The following TIA1 variants were observed in gnomAD, a reference collection of about 807,000 sequenced individuals.
TIA1 encodes cytotoxic granule associated RNA binding protein TIA1.
TIA1 carries 23 observed loss-of-function variants against 65.9 expected under a neutral mutation model. That is an observed-to-expected ratio of 0.35 (90% confidence interval 0.25 to 0.49). The LOEUF (loss-of-function observed/expected upper bound fraction) is 0.49. Among genes scored for constraint, TIA1 ranks in the 20% least tolerant of loss-of-function variants. The probability of loss-of-function intolerance (pLI) is 0.98; values close to 1 mark genes in which losing one functional copy is unlikely to be tolerated. For synonymous variants in TIA1, 147 were observed against 149.4 expected (o/e 0.98, Z 0.12); for missense variants, 371 against 477.9 (o/e 0.78, Z 2.09).
At chr2:70,246,900 T>C (rs1272064518) in intron 1 of TIA1, among the ~76,000 whole-genome samples, 4 of 152,070 alleles carry the variant, frequency 2.6e-5, no homozygotes, top group Non-Finnish European at 4.4e-5. Context: ...TCTCAAAAAA[T>C]TAAAAAGTAA....
In TIA1 at chr2:70,215,477, C is replaced by G; in HGVS notation, c.782G>C (p.Ser261Thr). 1 of 1,613,344 alleles carries G rather than the reference C, an allele frequency of 6.2e-7. No individual in the cohort carries two copies. The highest frequency in any genetic ancestry group is 8.5e-7 in the Non-Finnish European group (1 of 1,179,518). ...YSFVRFNSHE[S>T]AAHAIVSVNG... Reference sequence around the variant, plus strand: ...AACAGAAACAATTGCATGTGCTGCACTTTCATGGGAATTGAACCTATTGAA... The same window carrying G: ...AACAGAAACAATTGCATGTGCTGCAGTTTCATGGGAATTGAACCTATTGAA... The change falls in exon 11 of 13, where the codon AGT (serine) becomes ACT (threonine). Residue 261 changes from serine to threonine, a missense_variant. By Grantham distance (58) the Ser-to-Thr change is moderately conservative (BLOSUM62 1). Transcript: ENST00000433529.
intron 7 of TIA1, among the ~76,000 whole-genome samples, chr2:70,219,116 C>T (rs556584083): frequency 2.0e-5 from 3 of 152,204 alleles, no homozygotes; most frequent in East Asian, 3.9e-4. Context: ...AAATGTGGAA[C>T]GCAGAGAAGT....
chr2:70,240,301 T>C lies in TIA1; in HGVS notation c.27-4126A>G, dbSNP rs1475170751. ...AAGTCTAACCTAAATCTAACCAAGC[T>C]GAAAATTAGATTTAAGTTTATAGGA... On this transcript the variant is annotated intron_variant, in intron 1 of 12. Coordinates refer to ENST00000433529, the MANE Select transcript of TIA1 (RefSeq NM_022173.4). Among the ~76,000 whole-genome samples the C allele has an allele frequency of 2.0e-5, 3 of 152,200 alleles. No individual in the cohort carries two copies. The East Asian group carries it at 5.8e-4, about 29-fold the overall frequency.
Position 70,215,394 on chromosome 2 carries a change from C to T in TIA1, c.865G>A (p.Asp289Asn). 6.2e-7 allele frequency: 1 copy of T among 1,614,040 alleles called. No individual in the cohort carries two copies. Among genetic ancestry groups the T allele is most frequent in the East Asian group, 2.2e-5 (1 of 44,854 alleles). The change falls in exon 11 of 13, where the codon GAT becomes AAT. Residue 289 changes from aspartate (D) to asparagine (N), a missense_variant. Transcript: ENST00000433529. ...ACCTGTTGCACGGGATTTATCATAT[C>T]AAGAGTTTCTTTGCCCCAATAGCAT... is the stretch of plus-strand genomic sequence containing the variant. ...VKCYWGKETL[D>N]MINPVQQQNQ...
chr2:70,214,252 A>T (rs990197784), intron 12 of TIA1, 97 bp downstream of exon 12: 6 of 1,317,614 alleles, frequency 4.6e-6, no homozygotes, highest in Non-Finnish European at 6.2e-6. Flanking sequence ...TTTACATAAG[A>T]GGCCCTATTA....
intron 6 of TIA1, among the ~76,000 whole-genome samples, chr2:70,226,908 AT>A (rs1193568460): frequency 6.6e-6 from 1 of 152,120 alleles, no homozygotes; most frequent in Admixed American, 6.6e-5. Context: ...AGCTCCTAAA[AT>A]TCACCAATAC....
intron 12 of TIA1, 45 bp from the exon 13 acceptor site, chr2:70,212,890 G>C: frequency 7.5e-7 from 1 of 1,330,784 alleles, no homozygotes; most frequent in South Asian, 1.2e-5. Context: ...GAAATCCACT[G>C]ATTAAAATAA....
intron 7 of TIA1, among the ~76,000 whole-genome samples, chr2:70,217,410 T>G (rs1312020147): frequency 6.6e-6 from 1 of 151,854 alleles, no homozygotes; most frequent in East Asian, 2.0e-4. Context: ...TCTTCTTTTT[T>G]TTTTCTTTTT....
At chr2:70,234,601 G>A (rs1304176846) in intron 2 of TIA1, among the ~76,000 whole-genome samples, 7 of 152,240 alleles carry the variant, frequency 4.6e-5, no homozygotes, top group Middle Eastern at 3.4e-3. Context: ...TCCCTCTGTC[G>A]CCCAGGCTGG....
chr2:70,215,559 T>C, intron 10 of TIA1, 65 bp from the exon 11 acceptor site: 1 of 1,444,996 alleles, frequency 6.9e-7, no homozygotes, highest in Non-Finnish European at 9.3e-7. Flanking sequence ...ATAAAACCTA[T>C]TTTTAAAAAT....
rs191514994 is a variant in TIA1, at chr2:70,224,471, C to T, written c.474+83G>A. ...AATCATCAGTAAAATAAACAGCAGA[C>T]GAAAAAAAGATTAGTAATTAAAACG... On this transcript the variant is annotated intron_variant, in intron 7 of 12. Coordinates refer to ENST00000433529, the MANE Select transcript of TIA1 (RefSeq NM_022173.4). The T allele has an allele frequency of 4.2e-4, 654 of 1,573,028 alleles. 2 individuals are homozygous for T. The East Asian group carries it at 4.8e-3, about 12-fold the overall frequency.
chr2:70,211,577 A>C lies in TIA1; in HGVS notation c.*1142T>G, dbSNP rs1321105149. 1 of 152,334 alleles carries C rather than the reference A, an allele frequency of 6.6e-6. No individual in the cohort carries two copies. The highest frequency in any genetic ancestry group is 1.5e-5 in the Non-Finnish European group (1 of 68,024). The allele number at this position is 152,334 out of a possible 1,614,324, so 9.4% of individuals were successfully genotyped here. On this transcript the variant is annotated 3_prime_UTR_variant, in exon 13 of 13. Coordinates refer to ENST00000433529, the MANE Select transcript of TIA1 (RefSeq NM_022173.4). ...TCATTTGTACATATTAAGTTGATTC[A>C]CTCTTTTTGAGCAAATCTACCTAGA...
At chr2:70,232,751 C>A (rs1687065670) in intron 2 of TIA1, among the ~76,000 whole-genome samples, 1 of 151,498 alleles carries the variant, frequency 6.6e-6, no homozygotes, top group Non-Finnish European at 1.5e-5. Context: ...TGCTTGTAAT[C>A]CCATCTACTC....
chr2:70,214,732 G>A (rs984617416), intron 11 of TIA1, among the ~76,000 whole-genome samples: 1 of 151,978 alleles, frequency 6.6e-6, no homozygotes, highest in Non-Finnish European at 1.5e-5. Context: ...CATAGTTTTT[G>A]GAAGGCATCA....
intron 7 of TIA1, among the ~76,000 whole-genome samples, chr2:70,221,709 G>A (rs536773332): frequency 5.9e-5 from 9 of 152,158 alleles, no homozygotes; most frequent in African/African-American, 1.9e-4. Context: ...TTTTGGGGTG[G>A]TAAAAATATT....
chr2:70,229,987 G>C (rs6740334), intron 3 of TIA1, among the ~76,000 whole-genome samples: 82,881 of 150,456 alleles, frequency 0.55, 25,633 homozygotes, highest in African/African-American at 0.84. Flanking sequence ...GCCTGTAATC[G>C]CAGCACTTTG....
chr2:70,218,548 A>C (rs765540441), intron 7 of TIA1, among the ~76,000 whole-genome samples: 1 of 152,050 alleles, frequency 6.6e-6, no homozygotes, highest in Non-Finnish European at 1.5e-5. Flanking sequence ...TCTCCTGTAC[A>C]GGTGCCAGCC....
chr2:70,241,784 A>C (rs532152449), intron 1 of TIA1, among the ~76,000 whole-genome samples: 1 of 152,226 alleles, frequency 6.6e-6, no homozygotes, highest in South Asian at 2.1e-4. Flanking sequence ...TCTACAAAAA[A>C]TAAGAAAAAA....
intron 2 of TIA1, among the ~76,000 whole-genome samples, chr2:70,234,224 C>T (rs1445442065): frequency 6.6e-6 from 1 of 152,142 alleles, no homozygotes; most frequent in Non-Finnish European, 1.5e-5. Flanking sequence ...ATAACACCTT[C>T]TTTATGTTTC....
Sources: allele counts gnomAD v4.1 joint callset (sites outside exome capture counted in the v4.1 genomes callset), GRCh38; gene constraint gnomAD v4.1.1; transcripts MANE v1.5; gene names NCBI Gene and HGNC (gene_info 2026-07-23, HGNC 2026-07-21).